The following ANK2 variants were observed in gnomAD, a reference collection of about 807,000 sequenced individuals.
ANK2 encodes the protein ankyrin 2.
ANK2 carries 83 observed loss-of-function variants against 360.5 expected under a neutral mutation model. The observed-to-expected ratio is 0.23, with a 90% CI of 0.19 to 0.28. The LOEUF (loss-of-function observed/expected upper bound fraction) is 0.28. Among genes scored for constraint, ANK2 ranks in the 10% least tolerant of loss-of-function variants. ANK2 has a pLI of 1.00. For synonymous variants in ANK2, 1,740 were observed against 1,759.5 expected (o/e 0.99, Z 0.28); for missense variants, 4,201 against 4,795.7 (o/e 0.88, Z 3.66).
the ANK2 span, among the ~76,000 whole-genome samples, chr4:112,789,652 C>T: frequency 6.6e-6 from 1 of 152,094 alleles, no homozygotes; most frequent in African/African-American, 2.4e-5. Context: ...TGATTTCCCT[C>T]AGGGATATGT....
chr4:112,986,813 G>A (rs976054099), intron 2 of ANK2, among the ~76,000 whole-genome samples: 14 of 152,086 alleles, frequency 9.2e-5, no homozygotes, highest in African/African-American at 1.2e-4. Flanking sequence ...AACCTTGAGC[G>A]CTTGCAGATG....
At chr4:113,187,790 T>C (rs2098557070) in intron 2 of ANK2, among the ~76,000 whole-genome samples, 1 of 152,212 alleles carries the variant, frequency 6.6e-6, no homozygotes, top group Non-Finnish European at 1.5e-5. Context: ...GATTGACACA[T>C]AATAGATATC....
At chr4:113,231,213 G>A (rs1448149220) in intron 4 of ANK2, among the ~76,000 whole-genome samples, 1 of 151,694 alleles carries the variant, frequency 6.6e-6, no homozygotes, top group Non-Finnish European at 1.5e-5. Context: ...CACCACGCCT[G>A]GTTAATTTTT....
chr4:113,366,085 A>T (rs1034437109), intron 41 of ANK2, among the ~76,000 whole-genome samples: 5 of 152,198 alleles, frequency 3.3e-5, no homozygotes, highest in East Asian at 3.8e-4. Flanking sequence ...AACAAAGCAA[A>T]TAACTCCTTT....
chr4:112,958,623 G>GCGA (rs1561287172), intron 2 of ANK2, among the ~76,000 whole-genome samples: 1 of 151,718 alleles, frequency 6.6e-6, no homozygotes, highest in Non-Finnish European at 1.5e-5. Flanking sequence ...GAGGGAGAGG[G>GCGA]GGGAGAGGGA....
chr4:112,941,019 A>G (rs1199790627), intron 2 of ANK2, among the ~76,000 whole-genome samples: 2 of 152,070 alleles, frequency 1.3e-5, no homozygotes, highest in Non-Finnish European at 2.9e-5. Flanking sequence ...AAGTTGAGAA[A>G]ACACACTGAA....
At chr4:113,202,191 A>C (rs140054790) in intron 4 of ANK2, among the ~76,000 whole-genome samples, 1 of 152,332 alleles carries the variant, frequency 6.6e-6, no homozygotes, top group East Asian at 1.9e-4. Context: ...ATTAAAATAC[A>C]TGAGGGTTGA....
At chr4:113,323,938 A>AT in intron 26 of ANK2, 1 of 630,230 alleles carries the variant, frequency 1.6e-6, no homozygotes, top group East Asian at 3.1e-5. Context: ...TGTTCTCCAA[A>AT]TTGTGGCTAT....
At chr4:112,942,098 A>T (rs2094268025) in intron 2 of ANK2, among the ~76,000 whole-genome samples, 1 of 151,986 alleles carries the variant, frequency 6.6e-6, no homozygotes, top group Non-Finnish European at 1.5e-5. Context: ...TTACTTTTGT[A>T]ACTGAGTTAT....
chr4:112,709,768 T>C, the ANK2 span, among the ~76,000 whole-genome samples: 2 of 152,054 alleles, frequency 1.3e-5, no homozygotes, highest in African/African-American at 4.8e-5. Flanking sequence ...AAAGAAAAGA[T>C]ATGGTGATAG....
intron 24 of ANK2, among the ~76,000 whole-genome samples, chr4:113,316,619 T>C (rs936860937): frequency 1.3e-5 from 2 of 152,270 alleles, no homozygotes; most frequent in Admixed American, 6.5e-5. Context: ...AAAGCTTGCG[T>C]ATCTCCTTTT....
At chr4:112,745,767 C>T in the ANK2 span, among the ~76,000 whole-genome samples, 109 of 152,060 alleles carry the variant, frequency 7.2e-4, no homozygotes, top group African/African-American at 1.4e-3. Context: ...TCCTGACCTC[C>T]GGTGATCCAC....
At chr4:113,209,637 C>T (rs1460975567) in intron 4 of ANK2, among the ~76,000 whole-genome samples, 1 of 151,926 alleles carries the variant, frequency 6.6e-6, no homozygotes, top group African/African-American at 2.4e-5. Context: ...TCCTGACCTC[C>T]CTGATGGCTT....
At chr4:113,231,013 T>G (rs2099290114) in intron 4 of ANK2, among the ~76,000 whole-genome samples, 1 of 151,916 alleles carries the variant, frequency 6.6e-6, no homozygotes, top group Non-Finnish European at 1.5e-5. Context: ...GCTGCCTCAG[T>G]CACAACACTG....
At chr4:112,840,238 A>G (rs1388391820) in intron 1 of ANK2, among the ~76,000 whole-genome samples, 5 of 152,194 alleles carry the variant, frequency 3.3e-5, no homozygotes, top group Non-Finnish European at 7.4e-5. Flanking sequence ...CTGTATTTTC[A>G]TCTGATGACT....
intron 4 of ANK2, among the ~76,000 whole-genome samples, chr4:113,204,152 C>G (rs1477612755): frequency 1.3e-5 from 2 of 151,840 alleles, no homozygotes; most frequent in Non-Finnish European, 2.9e-5. Context: ...AATATATTCT[C>G]TAATTATAAA....
chr4:112,799,732 GT>G, the ANK2 span, among the ~76,000 whole-genome samples: 1 of 151,102 alleles, frequency 6.6e-6, no homozygotes, highest in South Asian at 2.1e-4. Context: ...GGCCAGGCTG[GT>G]CTTGTAACTC....
At chr4:113,080,064 A>G (rs1490091187) in intron 1 of ANK2, among the ~76,000 whole-genome samples, 1 of 151,930 alleles carries the variant, frequency 6.6e-6, no homozygotes, top group Non-Finnish European at 1.5e-5. Context: ...ACACATGGCT[A>G]ATTTTTGTAT....
At chr4:113,299,637 G>A (rs535593087) in intron 22 of ANK2, among the ~76,000 whole-genome samples, 14 of 151,640 alleles carry the variant, frequency 9.2e-5, no homozygotes, top group Non-Finnish European at 2.1e-4. Context: ...CCTGGAAGGC[G>A]GAGGTTGCAG....
Sources: allele counts gnomAD v4.1 joint callset (sites outside exome capture counted in the v4.1 genomes callset), GRCh38; gene constraint gnomAD v4.1.1; transcripts MANE v1.5; gene names NCBI Gene and HGNC (gene_info 2026-07-23, HGNC 2026-07-21).